Variants in CADM2 observed in about 807,000 individuals in gnomAD.
CADM2 encodes immunoglobulin superfamily member 4D.
CADM2 carries 12 observed loss-of-function variants against 49.8 expected under a neutral mutation model. The ratio of observed to expected loss-of-function variants is 0.24; its 90% CI spans 0.15 to 0.39. CADM2 has a LOEUF of 0.39. Among genes scored for constraint, CADM2 ranks in the 10% least tolerant of loss-of-function variants. The probability of loss-of-function intolerance (pLI) is 1.00; values close to 1 mark genes in which losing one functional copy is unlikely to be tolerated. For missense variants in CADM2, 378 were observed against 492.3 expected, an observed-to-expected ratio of 0.77 and a Z score of 2.20; for synonymous variants, 214 against 175.4, an observed-to-expected ratio of 1.22 and a Z score of -1.74.
intron 2 of CADM2, among the ~76,000 whole-genome samples, chr3:85,789,103 A>G (rs1471961186): frequency 1.3e-5 from 2 of 152,012 alleles, no homozygotes; most frequent in African/African-American, 2.4e-5. Context: ...CACCCAGTCA[A>G]TTGCCTCCAG....
chr3:85,174,747 G>A (rs2040730655), intron 1 of CADM2, among the ~76,000 whole-genome samples: 1 of 151,912 alleles, frequency 6.6e-6, no homozygotes, highest in African/African-American at 2.4e-5. Flanking sequence ...AATTTTTCCC[G>A]ATCATTAAAA....
At chr3:85,131,873 C>A in intron 1 of CADM2, among the ~76,000 whole-genome samples, 1 of 139,154 alleles carries the variant, frequency 7.2e-6, no homozygotes, top group South Asian at 2.5e-4. Flanking sequence ...TTAATATTAA[C>A]AATGTGGCTG....
At chr3:85,834,454 G>A (rs1413249436) in intron 3 of CADM2, among the ~76,000 whole-genome samples, 1 of 151,412 alleles carries the variant, frequency 6.6e-6, no homozygotes, top group Admixed American at 6.6e-5. Flanking sequence ...TAGACATGAG[G>A]GTATAAGTAG....
At position 85,400,225 on chromosome 3, in the gene CADM2, G is replaced by C. The variant is rs1327305337; in HGVS notation, c.62-326297G>C. ...AGATAATCATGTGGTTTTTGTCTTT[G>C]GTTCTGTTTATATGCTGGATTACAT... On this transcript the variant is annotated intron_variant, in intron 1 of 9. Transcript: ENST00000383699. 1.2e-4 allele frequency among the ~76,000 whole-genome samples: 19 copies of C among 152,012 alleles called. 1 individual carries two copies. The highest frequency in any genetic ancestry group is 1.2e-3 in the Admixed American group (19 of 15,262).
At chr3:85,065,710 T>A (rs1224717827) in intron 1 of CADM2, among the ~76,000 whole-genome samples, 2 of 152,200 alleles carry the variant, frequency 1.3e-5, no homozygotes, top group Non-Finnish European at 2.9e-5. Flanking sequence ...CATCAGCAGG[T>A]AACCTGGGCC....
chr3:85,873,237 A>G lies in CADM2; in HGVS notation c.239-10054A>G, dbSNP rs1370699775. On this transcript the variant is annotated intron_variant, in intron 3 of 9. Coordinates refer to ENST00000383699, the MANE Select transcript of CADM2 (RefSeq NM_001167675.2). Reference sequence around the variant, plus strand: ...TTGGAGGAGACATTCAAACCATAGCATTAACAAAACTACTAAATGTTAACA... The same window carrying G: ...TTGGAGGAGACATTCAAACCATAGCGTTAACAAAACTACTAAATGTTAACA... Among the ~76,000 whole-genome samples, 5 of 152,350 alleles carry G rather than the reference A, an allele frequency of 3.3e-5. No individual in the cohort carries two copies. In the East Asian group the frequency reaches 9.6e-4, roughly 29 times the overall value.
At chr3:85,535,666 T>A (rs2061408095) in intron 1 of CADM2, among the ~76,000 whole-genome samples, 1 of 152,148 alleles carries the variant, frequency 6.6e-6, no homozygotes, top group African/African-American at 2.4e-5. Flanking sequence ...TGATATTTGG[T>A]GCTGTGTGTC....
rs573364452 is a variant in CADM2 at position 85,700,158 on chromosome 3, A to G, written c.62-26364A>G. 4.6e-4 allele frequency among the ~76,000 whole-genome samples: 70 copies of G among 152,344 alleles called. 1 individual carries two copies. Among genetic ancestry groups the G allele is most frequent in the African/African-American group, 1.6e-3 (68 of 41,578 alleles). ...CACTATGGAATACTATGCAGCCATA[A>G]AAAAGAATGAGTTCATTTCCTTTGC... On this transcript the variant is annotated intron_variant, in intron 1 of 9. Transcript: ENST00000383699.
chr3:84,975,620 A>G (rs2031770287), intron 1 of CADM2, among the ~76,000 whole-genome samples: 1 of 151,804 alleles, frequency 6.6e-6, no homozygotes. Flanking sequence ...TATTTCTCAC[A>G]TAATAAATCC....
chr3:85,954,579 T>G lies in CADM2; in HGVS notation c.792-6890T>G, dbSNP rs529235050. Among the ~76,000 whole-genome samples the G allele has an allele frequency of 5.9e-5, 9 of 151,312 alleles. 1 individual carries two copies. The highest frequency in any genetic ancestry group is 2.2e-4 in the African/African-American group (9 of 41,476). On this transcript the variant is annotated intron_variant, in intron 7 of 9. Transcript: ENST00000383699. The stretch of plus-strand genomic sequence containing the variant: ...CTAATATTTCTCCTCTTCTCCTTTT[T>G]TCTTCCTCCTCAATTATTTAGCAGT...
At chr3:86,007,126 C>G (rs1244289478) in intron 8 of CADM2, among the ~76,000 whole-genome samples, 3 of 121,942 alleles carry the variant, frequency 2.5e-5, no homozygotes, top group African/African-American at 9.4e-5. Flanking sequence ...TCACCATTAT[C>G]TCTCTACCAC....
At chr3:85,292,335 T>C (rs2043823050) in intron 1 of CADM2, among the ~76,000 whole-genome samples, 1 of 150,978 alleles carries the variant, frequency 6.6e-6, no homozygotes, top group Non-Finnish European at 1.5e-5. Context: ...CACACATTAA[T>C]AGTGGGAGAC....
chr3:85,416,847 G>A (rs1007218069), intron 1 of CADM2, among the ~76,000 whole-genome samples: 1 of 152,090 alleles, frequency 6.6e-6, no homozygotes, highest in Admixed American at 6.5e-5. Context: ...CTAAATAATT[G>A]TATCAGGGAA....
intron 1 of CADM2, among the ~76,000 whole-genome samples, chr3:85,219,594 T>C (rs955811801): frequency 6.6e-6 from 1 of 152,184 alleles, no homozygotes; most frequent in African/African-American, 2.4e-5. Flanking sequence ...GCAACTACAT[T>C]TCCCTGTTAT....
intron 8 of CADM2, among the ~76,000 whole-genome samples, chr3:86,034,567 T>G (rs1212545002): frequency 6.6e-6 from 1 of 152,048 alleles, no homozygotes; most frequent in Non-Finnish European, 1.5e-5. Context: ...AAATTTATGT[T>G]ATGCTGTTGT....
chr3:85,218,651 C>T (rs546373918), intron 1 of CADM2, among the ~76,000 whole-genome samples: 92 of 152,166 alleles, frequency 6.0e-4, no homozygotes, highest in African/African-American at 2.1e-3. Flanking sequence ...CAAAAATTAG[C>T]CTGGCGTGGT....
intron 8 of CADM2, among the ~76,000 whole-genome samples, chr3:86,029,418 TA>T (rs1437766252): frequency 6.6e-6 from 1 of 151,824 alleles, no homozygotes; most frequent in Non-Finnish European, 1.5e-5. Flanking sequence ...AAGGATTTAA[TA>T]GATCGTTATT....
chr3:85,585,045 C>T (rs968393320), intron 1 of CADM2, among the ~76,000 whole-genome samples: 4 of 152,008 alleles, frequency 2.6e-5, no homozygotes, highest in African/African-American at 9.7e-5. Context: ...ATGGAAACTT[C>T]TAGAAATCAA....
intron 1 of CADM2, among the ~76,000 whole-genome samples, chr3:85,350,862 A>G (rs1407924857): frequency 6.6e-6 from 1 of 152,192 alleles, no homozygotes; most frequent in Non-Finnish European, 1.5e-5. Context: ...CCTGTGGAAC[A>G]AGGTATAGTT....
Sources: allele counts gnomAD v4.1 joint callset (sites outside exome capture counted in the v4.1 genomes callset), GRCh38; gene constraint gnomAD v4.1.1; transcripts MANE v1.5; gene names NCBI Gene and HGNC (gene_info 2026-07-23, HGNC 2026-07-21).